GALNT11: variants seen among roughly 807,000 people sequenced by gnomAD.
GALNT11 encodes polypeptide N-acetylgalactosaminyltransferase 11, also known as UDP-GalNAc:polypeptide N-acetylgalactosaminyltransferase 11.
In GALNT11, 47 loss-of-function variants were observed where a neutral mutation model predicts 72.7. That is an observed-to-expected ratio of 0.65 (90% CI 0.51 to 0.82). The LOEUF (loss-of-function observed/expected upper bound fraction) is 0.82, where lower values mean the gene tolerates loss of function less well. GALNT11 is among the 40% of genes least tolerant of loss of function. The pLI, the probability that GALNT11 is intolerant of heterozygous loss-of-function variation, is 0.00. For missense variants in GALNT11, 677 were observed against 778.4 expected, an observed-to-expected ratio of 0.87 and a Z score of 1.55; for synonymous variants, 270 against 286.6, an observed-to-expected ratio of 0.94 and a Z score of 0.58.
At chr7:152,061,568 G>A (rs1027896372) in intron 1 of GALNT11, among the ~76,000 whole-genome samples, 34 of 152,306 alleles carry the variant, frequency 2.2e-4, no homozygotes, top group African/African-American at 8.2e-4. Context: ...GTCCTGAATG[G>A]TATTGCCTAG....
intron 1 of GALNT11, among the ~76,000 whole-genome samples, chr7:152,072,272 T>G (rs1450169600): frequency 6.6e-6 from 1 of 150,590 alleles, no homozygotes; most frequent in African/African-American, 2.4e-5. Context: ...TGAGCCAAGA[T>G]TGTGCCACTT....
intron 2 of GALNT11, among the ~76,000 whole-genome samples, chr7:152,095,747 G>A (rs1418764276): frequency 6.6e-6 from 1 of 152,086 alleles, no homozygotes; most frequent in African/African-American, 2.4e-5. Flanking sequence ...TTATCAAGAA[G>A]TAATACTGAG....
At chr7:152,109,177 CTT>C (rs1004764475) in intron 6 of GALNT11, among the ~76,000 whole-genome samples, 1 of 152,258 alleles carries the variant, frequency 6.6e-6, no homozygotes, top group African/African-American at 2.4e-5. Flanking sequence ...CTCCCACACT[CTT>C]AGTCGTTCTT....
chr7:152,034,588 C>T (rs1439216495), intron 1 of GALNT11, among the ~76,000 whole-genome samples: 14 of 152,086 alleles, frequency 9.2e-5, no homozygotes, highest in African/African-American at 1.4e-4. Context: ...CAAAACCGCC[C>T]GCAGTTTTGG....
At chr7:152,086,225 A>C (rs566297922) in intron 1 of GALNT11, among the ~76,000 whole-genome samples, 1 of 151,884 alleles carries the variant, frequency 6.6e-6, no homozygotes, top group Non-Finnish European at 1.5e-5. Flanking sequence ...GGGTTTTACT[A>C]TGTTGGCCAG....
rs185228118 is a variant in GALNT11 at position 152,114,604 on chromosome 7, A to G, written c.1233+1206A>G. Among the ~76,000 whole-genome samples the G allele has an allele frequency of 1.7e-3, 259 of 149,780 alleles. 1 individual carries two copies. Among genetic ancestry groups the G allele is most frequent in the Admixed American group, 3.5e-3 (52 of 15,038 alleles). On this transcript the variant is annotated intron_variant, in intron 8 of 11. Transcript: ENST00000430044. ...AGACAGAGTTTCACTCTTGTTGCCC[A>G]GGCTGAAGTGCAACGGCGCAATCTC...
At chr7:152,058,922 C>T (rs1474316236) in intron 1 of GALNT11, among the ~76,000 whole-genome samples, 1 of 152,164 alleles carries the variant, frequency 6.6e-6, no homozygotes, top group Non-Finnish European at 1.5e-5. Context: ...AATTCTGGTT[C>T]TCTTGCTATT....
At chr7:152,076,329 CTTCTGGAAGCAGATCTTGAGAT>C in intron 1 of GALNT11, among the ~76,000 whole-genome samples, 2 of 152,124 alleles carry the variant, frequency 1.3e-5, no homozygotes, top group African/African-American at 4.8e-5. Flanking sequence ...GGTTTTGGTT[CTTCTGGAAGCAGATCTTGAGAT>C]AGAAATCTGA....
chr7:152,120,750 A>C, intron 10 of GALNT11, 81 bp from the exon 11 acceptor site: 1 of 1,244,304 alleles, frequency 8.0e-7, no homozygotes, highest in South Asian at 1.2e-5. Flanking sequence ...ACCTTACAGA[A>C]TCAATATGTG....
intron 1 of GALNT11, among the ~76,000 whole-genome samples, chr7:152,030,684 C>T (rs1390705360): frequency 1.3e-5 from 2 of 151,308 alleles, no homozygotes; most frequent in African/African-American, 2.4e-5. Context: ...TTGTCTGTCT[C>T]TTCCTCTCTC....
intron 8 of GALNT11, among the ~76,000 whole-genome samples, chr7:152,114,016 G>A (rs975432907): frequency 6.6e-6 from 1 of 150,686 alleles, no homozygotes; most frequent in Non-Finnish European, 1.5e-5. Context: ...CTCCTGCCTT[G>A]GCCTCCCGAA....
At chr7:152,111,676 G>C (rs2088232349) in intron 7 of GALNT11, among the ~76,000 whole-genome samples, 1 of 151,544 alleles carries the variant, frequency 6.6e-6, no homozygotes, top group Admixed American at 6.6e-5. Context: ...TTGTTGTAAT[G>C]AATGGTTGGA....
intron 1 of GALNT11, among the ~76,000 whole-genome samples, chr7:152,050,001 G>A (rs537638188): frequency 3.3e-5 from 5 of 152,128 alleles, no homozygotes; most frequent in Admixed American, 2.0e-4. Context: ...CTCTCCCTTC[G>A]GGGCAGCAGG....
chr7:152,112,384 C>CA (rs2088323579), intron 7 of GALNT11, among the ~76,000 whole-genome samples: 2 of 151,784 alleles, frequency 1.3e-5, no homozygotes, highest in East Asian at 1.9e-4. Flanking sequence ...ACTAAAAATA[C>CA]AAAAAAATTA....
chr7:152,077,094 A>G (rs1218692817), intron 1 of GALNT11, among the ~76,000 whole-genome samples: 1 of 152,192 alleles, frequency 6.6e-6, no homozygotes, highest in African/African-American at 2.4e-5. Context: ...GTCTCAAAAA[A>G]AAGGCCCAAG....
intron 1 of GALNT11, among the ~76,000 whole-genome samples, chr7:152,082,415 G>C (rs930682660): frequency 6.6e-6 from 1 of 152,146 alleles, no homozygotes; most frequent in Non-Finnish European, 1.5e-5. Context: ...TATTTGTCCC[G>C]ATTGGCTAGC....
intron 1 of GALNT11, among the ~76,000 whole-genome samples, chr7:152,065,859 G>A (rs956002169): frequency 6.6e-6 from 1 of 152,190 alleles, no homozygotes; most frequent in African/African-American, 2.4e-5. Flanking sequence ...CTACTGGGAG[G>A]TGCCTCCCAG....
intron 11 of GALNT11, 26 bp from the exon 12 acceptor site, chr7:152,121,519 AT>A: frequency 2.5e-6 from 4 of 1,600,114 alleles, no homozygotes; most frequent in East Asian, 2.2e-5. Flanking sequence ...AATTGGCAGT[AT>A]TTTTTTGTTG....
Position 152,094,477 on chromosome 7 carries a change from G to C in GALNT11, c.250G>C (p.Val84Leu), listed in dbSNP as rs1470973156. The C allele has an allele frequency of 6.2e-7, 1 of 1,613,488 alleles. No individual in the cohort carries two copies. The highest frequency in any genetic ancestry group is 1.7e-5 in the Admixed American group (1 of 59,942). The change falls in exon 2 of 12, where the codon GTT becomes CTT. Residue 84 changes from valine (V) to leucine (L), a missense_variant. Physicochemically the swap from Val to Leu is conservative, Grantham distance 32 (BLOSUM62 1). Coordinates refer to ENST00000430044, the MANE Select transcript of GALNT11 (RefSeq NM_022087.4). This position sits in a 1 kb window ranked among gnomAD's most constrained non-coding sequence, Gnocchi z 4.3. Reference sequence around the variant, plus strand: ...AATTGACGATGTGATAGACAGTCGTGTTGAAGATCCAGAAGAAGGCCACTT... The same window carrying C: ...AATTGACGATGTGATAGACAGTCGTCTTGAAGATCCAGAAGAAGGCCACTT... ...NKIDDVIDSR[V>L]EDPEEGHLKF...
Sources: allele counts gnomAD v4.1 joint callset (sites outside exome capture counted in the v4.1 genomes callset), GRCh38; gene constraint gnomAD v4.1.1; non-coding constraint Gnocchi (gnomAD v3.1); transcripts MANE v1.5; gene names NCBI Gene and HGNC (gene_info 2026-07-23, HGNC 2026-07-21).